The following NEK7 variants were observed in gnomAD, a reference collection of about 807,000 sequenced individuals.
The protein encoded by NEK7 is NIMA related kinase 7.
A neutral mutation model predicts 44.6 loss-of-function variants in NEK7; 18 were observed. That is an observed-to-expected ratio of 0.40 (90% confidence interval 0.28 to 0.60). The LOEUF (loss-of-function observed/expected upper bound fraction) is 0.60, where lower values mean the gene tolerates loss of function less well. Ranked by LOEUF, NEK7 falls within the 20% of genes least tolerant of loss-of-function variation. The probability of loss-of-function intolerance (pLI) is 0.38; values close to 1 mark genes in which losing one functional copy is unlikely to be tolerated. For synonymous variants in NEK7, 130 were observed against 121.1 expected (o/e 1.07, Z -0.48); for missense variants, 256 against 366.5 (o/e 0.70, Z 2.46).
intron 1 of NEK7, among the ~76,000 whole-genome samples, chr1:198,210,309 C>T (rs1665724751): frequency 6.6e-6 from 1 of 152,164 alleles, no homozygotes; most frequent in African/African-American, 2.4e-5. Flanking sequence ...AGGTCTTGAA[C>T]TCCTGGCCCC....
intron 9 of NEK7, among the ~76,000 whole-genome samples, chr1:198,297,952 A>C (rs920436942): frequency 6.6e-6 from 1 of 152,138 alleles, no homozygotes; most frequent in Non-Finnish European, 1.5e-5. Flanking sequence ...TTTTGGCTCT[A>C]CCCTATGTCC....
chr1:198,194,114 G>A (rs1665156184), intron 1 of NEK7, among the ~76,000 whole-genome samples: 1 of 152,182 alleles, frequency 6.6e-6, no homozygotes, highest in South Asian at 2.1e-4. Context: ...AGCAACTTCA[G>A]CAAAGTCTCA....
chr1:198,237,743 G>A (rs561530100), intron 2 of NEK7, among the ~76,000 whole-genome samples: 21 of 152,018 alleles, frequency 1.4e-4, no homozygotes, highest in South Asian at 6.2e-4. Context: ...AGTCAGTCAC[G>A]TCTGTTTAAA....
chr1:198,225,370 G>A (rs1666187139), intron 1 of NEK7, among the ~76,000 whole-genome samples: 1 of 152,076 alleles, frequency 6.6e-6, no homozygotes, highest in South Asian at 2.1e-4. Flanking sequence ...CTTCAGGAAA[G>A]TGGGTTAGTT....
intron 7 of NEK7, among the ~76,000 whole-genome samples, chr1:198,286,926 G>T (rs1434030940): frequency 1.3e-5 from 2 of 151,978 alleles, no homozygotes; most frequent in Non-Finnish European, 2.9e-5. Flanking sequence ...AATCTCCCCT[G>T]CCCCTTCTGT....
At chr1:198,226,721 AGGAGTCCTTCT>A (rs371204044) in intron 1 of NEK7, among the ~76,000 whole-genome samples, 7 of 125,128 alleles carry the variant, frequency 5.6e-5, no homozygotes, top group African/African-American at 2.3e-4. Context: ...AGGGCTCAGA[AGGAGTCCTTCT>A]AACAATCTCT....
chr1:198,223,318 C>A (rs1666122541), intron 1 of NEK7, among the ~76,000 whole-genome samples: 1 of 152,096 alleles, frequency 6.6e-6, no homozygotes, highest in Admixed American at 6.6e-5. Context: ...GGAACATGAA[C>A]AAATTTCAGA....
intron 2 of NEK7, among the ~76,000 whole-genome samples, chr1:198,237,275 G>A (rs903313687): frequency 2.0e-5 from 3 of 152,072 alleles, no homozygotes; most frequent in Non-Finnish European, 2.9e-5. Flanking sequence ...TTCTCTTCCA[G>A]TCTCATGATT....
chr1:198,172,103 A>G (rs1664467623), intron 1 of NEK7, among the ~76,000 whole-genome samples: 1 of 152,212 alleles, frequency 6.6e-6, no homozygotes, highest in Non-Finnish European at 1.5e-5. Flanking sequence ...GCTGAAAAAC[A>G]AAACAAAACA....
At chr1:198,282,211 CCA>C (rs960994894) in intron 7 of NEK7, among the ~76,000 whole-genome samples, 12 of 152,052 alleles carry the variant, frequency 7.9e-5, no homozygotes, top group Admixed American at 2.6e-4. Context: ...TCTTCATAAT[CCA>C]TTCTGTGTGT....
intron 9 of NEK7, among the ~76,000 whole-genome samples, chr1:198,315,272 C>T (rs1306311682): frequency 1.3e-5 from 2 of 152,212 alleles, no homozygotes; most frequent in Non-Finnish European, 2.9e-5. Context: ...CCGAGTGAGG[C>T]AATGCCTCGC....
intron 2 of NEK7, among the ~76,000 whole-genome samples, chr1:198,251,277 T>C (rs541158385): frequency 0.032 from 4,934 of 151,818 alleles, 145 homozygotes; most frequent in Non-Finnish European, 0.048. Flanking sequence ...ATTCGGTTTG[T>C]CAGTATTTTA....
At chr1:198,297,391 C>T (rs545784396) in intron 9 of NEK7, 151 bp downstream of exon 9, 1 of 978,104 alleles carries the variant, frequency 1.0e-6, no homozygotes, top group African/African-American at 1.7e-5. Flanking sequence ...CTCTTGGAGA[C>T]TTGCTGTCTA....
Position 198,245,460 on chromosome 1 carries a change from C to T in NEK7, c.58-7580C>T, listed in dbSNP as rs143748044. The T allele has an allele frequency of 5.8e-3, 949 of 163,930 alleles. 7 individuals carry two copies. The highest frequency in any genetic ancestry group is 0.019 in the Middle Eastern group (37 of 1,926). The allele number at this position is 163,930 out of a possible 1,614,324, so 10.2% of individuals were successfully genotyped here. ...CTGCCTGAGCGAGCTGAAGATGATT[C>T]CTTAGAAGAGCTGACATGGAACTGA... On this transcript the variant is annotated intron_variant, in intron 2 of 9. Coordinates refer to ENST00000367385, the MANE Select transcript of NEK7 (RefSeq NM_133494.3).
intron 1 of NEK7, among the ~76,000 whole-genome samples, chr1:198,226,180 G>A (rs1666218601): frequency 6.6e-6 from 1 of 152,030 alleles, no homozygotes; most frequent in Non-Finnish European, 1.5e-5. Flanking sequence ...ACTATTTGGT[G>A]TTCTGAGGGC....
At chr1:198,245,115 A>G (rs184060303) in intron 2 of NEK7, 3 of 166,618 alleles carry the variant, frequency 1.8e-5, no homozygotes, top group Non-Finnish European at 4.4e-5. Context: ...CATAAGGAAG[A>G]AAAATGATAT....
chr1:198,217,744 C>T (rs1464757750), intron 1 of NEK7, among the ~76,000 whole-genome samples: 2 of 148,630 alleles, frequency 1.3e-5, no homozygotes, highest in Non-Finnish European at 3.0e-5. Context: ...TATCAGGTTA[C>T]AAAATCAATG....
chr1:198,315,026 C>A (rs951352447), intron 9 of NEK7, among the ~76,000 whole-genome samples: 1 of 152,196 alleles, frequency 6.6e-6, no homozygotes, highest in African/African-American at 2.4e-5. Context: ...GCGCCCCTCC[C>A]CCAGCCTCGC....
At chr1:198,307,769 T>C (rs1187473746) in intron 9 of NEK7, among the ~76,000 whole-genome samples, 1 of 152,144 alleles carries the variant, frequency 6.6e-6, no homozygotes, top group African/African-American at 2.4e-5. Flanking sequence ...TCATGTCTCC[T>C]GACTGGAACT....
Sources: allele counts gnomAD v4.1 joint callset (sites outside exome capture counted in the v4.1 genomes callset), GRCh38; gene constraint gnomAD v4.1.1; transcripts MANE v1.5; gene names NCBI Gene and HGNC (gene_info 2026-07-23, HGNC 2026-07-21).